RBFOX1: variants seen among roughly 807,000 people sequenced by gnomAD.
RBFOX1 encodes RNA binding protein fox-1 homolog 1.
In RBFOX1, 8 loss-of-function variants were observed where a neutral mutation model predicts 57.7. That is an observed-to-expected ratio of 0.14 (90% CI 0.08 to 0.25). The LOEUF (loss-of-function observed/expected upper bound fraction) is 0.25. RBFOX1 is among the 10% of genes least tolerant of loss of function. The probability of loss-of-function intolerance (pLI) is 1.00; values close to 1 mark genes in which losing one functional copy is unlikely to be tolerated. For synonymous variants in RBFOX1, 326 were observed against 222.4 expected, an observed-to-expected ratio of 1.47 and a Z score of -4.15; for missense variants, 611 against 548.5, an observed-to-expected ratio of 1.11 and a Z score of -1.14.
intron 5 of RBFOX1, among the ~76,000 whole-genome samples, chr16:7,567,056 C>T (rs150053019): frequency 1.3e-4 from 20 of 151,008 alleles, no homozygotes; most frequent in Admixed American, 4.6e-4. Context: ...ACTGCCTGAG[C>T]GACCCACTCT....
chr16:6,947,181 A>G (rs997558263), intron 3 of RBFOX1, among the ~76,000 whole-genome samples: 1 of 152,232 alleles, frequency 6.6e-6, no homozygotes, highest in East Asian at 1.9e-4. Context: ...TGTGATTTCA[A>G]CTCTTTATGT....
intron 4 of RBFOX1, among the ~76,000 whole-genome samples, chr16:7,210,863 G>A (rs540813876): frequency 6.6e-6 from 1 of 151,820 alleles, no homozygotes; most frequent in Non-Finnish European, 1.5e-5. Context: ...ATAATGTATT[G>A]AATACTGGTA....
At chr16:5,326,709 G>A (rs1004392357) in intron 1 of RBFOX1, among the ~76,000 whole-genome samples, 8 of 152,252 alleles carry the variant, frequency 5.3e-5, no homozygotes, top group East Asian at 3.9e-4. Flanking sequence ...ATTTTTAAGC[G>A]GTGGCTGTTA....
intron 1 of RBFOX1, among the ~76,000 whole-genome samples, chr16:6,309,376 T>G (rs1385660782): frequency 6.6e-6 from 1 of 152,130 alleles, no homozygotes; most frequent in Admixed American, 6.5e-5. Context: ...CACAGTTGCA[T>G]CCTTCTGACA....
At chr16:6,292,018 A>G (rs931767345) in intron 1 of RBFOX1, among the ~76,000 whole-genome samples, 1 of 151,962 alleles carries the variant, frequency 6.6e-6, no homozygotes, top group Non-Finnish European at 1.5e-5. Flanking sequence ...TACAGGAGTA[A>G]AAAAAATGGC....
chr16:6,073,056 G>C (rs1036089943), intron 1 of RBFOX1, among the ~76,000 whole-genome samples: 1 of 152,184 alleles, frequency 6.6e-6, no homozygotes. Context: ...GACACATTTT[G>C]TGACTAGTTA....
chr16:7,005,717 A>T (rs1161393925), intron 3 of RBFOX1, among the ~76,000 whole-genome samples: 1 of 152,186 alleles, frequency 6.6e-6, no homozygotes, highest in Non-Finnish European at 1.5e-5. Flanking sequence ...GGGTCAGGAC[A>T]AGACAAGACC....
chr16:5,891,862 G>A (rs771047390), intron 4 of RBFOX1, among the ~76,000 whole-genome samples: 2 of 152,082 alleles, frequency 1.3e-5, no homozygotes, highest in Admixed American at 6.6e-5. Flanking sequence ...CTGTTCTGAG[G>A]GATTCTAGGA....
chr16:6,742,344 A>G (rs2072428548), intron 3 of RBFOX1, among the ~76,000 whole-genome samples: 1 of 152,214 alleles, frequency 6.6e-6, no homozygotes, highest in South Asian at 2.1e-4. Context: ...AATATTTACA[A>G]GGACGCATAG....
At chr16:5,858,796 C>T (rs747860289) in intron 3 of RBFOX1, among the ~76,000 whole-genome samples, 1 of 152,182 alleles carries the variant, frequency 6.6e-6, no homozygotes. Context: ...TGAATGGGCT[C>T]TTTCCTTTTT....
At chr16:6,719,633 A>G (rs143663286) in intron 3 of RBFOX1, among the ~76,000 whole-genome samples, 11,677 of 150,942 alleles carry the variant, frequency 0.077, 659 homozygotes, top group East Asian at 0.31. Context: ...TTTTTAGTAG[A>G]GATGGGGTTT....
At chr16:5,898,427 A>G (rs2058219718) in intron 4 of RBFOX1, among the ~76,000 whole-genome samples, 1 of 152,092 alleles carries the variant, frequency 6.6e-6, no homozygotes, top group African/African-American at 2.4e-5. Flanking sequence ...CATAAAACGT[A>G]TCAGACCTCT....
At chr16:5,808,979 G>C (rs1277445969) in intron 3 of RBFOX1, among the ~76,000 whole-genome samples, 1 of 152,096 alleles carries the variant, frequency 6.6e-6, no homozygotes, top group East Asian at 1.9e-4. Flanking sequence ...GGTGAGAGAG[G>C]GCATCCCTGT....
chr16:6,026,384 G>C (rs1397302765), intron 1 of RBFOX1, among the ~76,000 whole-genome samples: 3 of 152,238 alleles, frequency 2.0e-5, no homozygotes, highest in Admixed American at 1.3e-4. Flanking sequence ...TGCAGATAGA[G>C]AGTGGGGTGT....
chr16:7,561,182 C>G (rs1056742027), intron 5 of RBFOX1, among the ~76,000 whole-genome samples: 2 of 152,198 alleles, frequency 1.3e-5, no homozygotes, highest in African/African-American at 4.8e-5. Context: ...GAGCTCAGAC[C>G]AAATCCAGCC....
At chr16:6,857,230 T>C (rs2058073157) in intron 3 of RBFOX1, among the ~76,000 whole-genome samples, 1 of 152,174 alleles carries the variant, frequency 6.6e-6, no homozygotes, top group African/African-American at 2.4e-5. Context: ...ATAAATCATA[T>C]TACACAATAT....
At chr16:5,400,541 A>G (rs904427793) in intron 1 of RBFOX1, among the ~76,000 whole-genome samples, 1 of 152,200 alleles carries the variant, frequency 6.6e-6, no homozygotes, top group Non-Finnish European at 1.5e-5. Flanking sequence ...ATTAAAAAAT[A>G]TTATCTCTTG....
chr16:5,328,262 C>A (rs1359805542), intron 1 of RBFOX1, among the ~76,000 whole-genome samples: 1 of 152,112 alleles, frequency 6.6e-6, no homozygotes, highest in Non-Finnish European at 1.5e-5. Flanking sequence ...CTAATCCAAT[C>A]TGATCAGCGT....
chr16:5,503,052 G>A (rs1005888693), intron 2 of RBFOX1, among the ~76,000 whole-genome samples: 2 of 152,216 alleles, frequency 1.3e-5, no homozygotes, highest in Non-Finnish European at 2.9e-5. Context: ...CCATGCAAGT[G>A]TGGAAGCTGC....
Sources: gnomAD v4.1 joint callset for allele counts (sites outside exome capture counted in the v4.1 genomes callset) on GRCh38, gnomAD v4.1.1 for gene constraint, MANE v1.5 for transcripts, NCBI Gene and HGNC (gene_info 2026-07-23, HGNC 2026-07-21) for gene names.